Variants in WNT7B observed in about 807,000 individuals in gnomAD.
The protein encoded by WNT7B is Wnt family member 7B, also known as protein Wnt-7b.
WNT7B carries 19 observed loss-of-function variants against 38.2 expected under a neutral mutation model. That is an observed-to-expected ratio of 0.50 (90% CI 0.35 to 0.73). The LOEUF is 0.73. WNT7B is among the 30% of genes least tolerant of loss of function. The pLI, the probability that WNT7B is intolerant of heterozygous loss-of-function variation, is 0.01. For missense variants in WNT7B, 423 were observed against 507.9 expected (o/e 0.83, Z 1.61); for synonymous variants, 243 against 209.3 (o/e 1.16, Z -1.39).
intron 3 of WNT7B, among the ~76,000 whole-genome samples, chr22:45,929,086 G>A (rs1931198742): frequency 6.6e-6 from 1 of 152,172 alleles, no homozygotes; most frequent in African/African-American, 2.4e-5. Flanking sequence ...GTGTGGGAAA[G>A]GCTCTGCTCA....
rs189434391 is a variant in WNT7B at position 45,927,723 on chromosome 22, C to T, written c.570+3375G>A. On this transcript the variant is annotated intron_variant, in intron 3 of 3. Transcript: ENST00000339464. ...CCAGCCTGGGCAACATGGTGAAGCCCCATCTCTACTAACAATACAGAAATT... is the reference window on the plus strand; with the variant it reads ...CCAGCCTGGGCAACATGGTGAAGCCTCATCTCTACTAACAATACAGAAATT... The T allele has an allele frequency of 4.5e-6, 3 of 665,130 alleles. No individual in the cohort carries two copies. The East Asian group carries it at 8.3e-5, about 18-fold the overall frequency. The allele number at this position is 665,130 out of a possible 1,614,324, so 41.2% of individuals were successfully genotyped here.
intron 3 of WNT7B, chr22:45,927,062 C>T (rs1931107697): frequency 5.1e-6 from 5 of 985,336 alleles, no homozygotes; most frequent in East Asian, 1.1e-4. Context: ...CCTCAGCTGT[C>T]CGGACAACAG....
chr22:45,938,121 T>A (rs1931557104), intron 2 of WNT7B, among the ~76,000 whole-genome samples: 1 of 152,156 alleles, frequency 6.6e-6, no homozygotes, highest in Middle Eastern at 3.2e-3. Flanking sequence ...AGATACACAA[T>A]GGAGTATTAC....
At chr22:45,963,008 G>A (rs1051446334) in intron 1 of WNT7B, among the ~76,000 whole-genome samples, 2 of 152,194 alleles carry the variant, frequency 1.3e-5, no homozygotes, top group Non-Finnish European at 2.9e-5. Flanking sequence ...AGGTCTGGGG[G>A]CCGAGCCACC....
In WNT7B at chr22:45,975,958, GGAGCAGCTACCGCAGA is replaced by G. The variant is rs1011482046; in HGVS notation, c.71+710_71+725del. 6.6e-6 allele frequency: 1 copy of G among 151,994 alleles called. No homozygotes were observed. Among genetic ancestry groups the G allele is most frequent in the Non-Finnish European group, 1.5e-5 (1 of 68,610 alleles). The allele number at this position is 151,994 out of a possible 1,614,324, so 9.4% of individuals were successfully genotyped here. ...GTTCAGGAATGTGGAAATACGACTCGGAGCAGCTACCGCAGAGAGCAGCTAGCGCGGCTCGCCGGGC... is the reference window on the plus strand; with the variant it reads ...GTTCAGGAATGTGGAAATACGACTCGGAGCAGCTAGCGCGGCTCGCCGGGC... On this transcript the variant is annotated intron_variant, in intron 1 of 3. Transcript: ENST00000339464. This position sits in a 1 kb window ranked among gnomAD's most constrained non-coding sequence, Gnocchi z 6.6.
chr22:45,955,880 G>A (rs80255815), intron 1 of WNT7B, among the ~76,000 whole-genome samples: 4,739 of 152,310 alleles, frequency 0.031, 102 homozygotes, highest in Non-Finnish European at 0.048. Flanking sequence ...AGAGGCCCAG[G>A]AGCTTCCTGA....
At position 45,927,618 on chromosome 22, in the gene WNT7B, A is replaced by G. The variant is rs183700731; in HGVS notation, c.570+3480T>C. Reference sequence around the variant, plus strand: ...TCCATATAAGAGATGGAACAGGGCCAGGTGCAGTGGCTCACACCTGTAATC... The same window carrying G: ...TCCATATAAGAGATGGAACAGGGCCGGGTGCAGTGGCTCACACCTGTAATC... On this transcript the variant is annotated intron_variant, in intron 3 of 3. Transcript: ENST00000339464. 1.1e-3 allele frequency: 930 copies of G among 854,202 alleles called. 2 individuals carry two copies. The highest frequency in any genetic ancestry group is 3.6e-3 in the Admixed American group (179 of 50,170). The allele number at this position is 854,202 out of a possible 1,614,324, so 52.9% of individuals were successfully genotyped here. A position where few individuals can be genotyped will look rare whatever the true frequency, so the allele number is the denominator to read the frequency against.
At chr22:45,924,253 G>A (rs887799364) in intron 3 of WNT7B, among the ~76,000 whole-genome samples, 16 of 152,212 alleles carry the variant, frequency 1.1e-4, no homozygotes, top group African/African-American at 3.9e-4. Context: ...CAGAACTCAC[G>A]GTCATGGGGC....
chr22:45,969,508 C>G (rs1188139180), intron 1 of WNT7B, among the ~76,000 whole-genome samples: 2 of 152,232 alleles, frequency 1.3e-5, no homozygotes, highest in Non-Finnish European at 2.9e-5. Context: ...CTTACTGACC[C>G]CCGCTGGCCC....
chr22:45,955,631 T>A (rs1172606874), intron 1 of WNT7B, among the ~76,000 whole-genome samples: 1 of 152,148 alleles, frequency 6.6e-6, no homozygotes, highest in African/African-American at 2.4e-5. Context: ...GCTGACCTTT[T>A]TCATGGAAAA....
intron 1 of WNT7B, chr22:45,972,120 A>ACCCCCCCC: frequency 6.4e-6 from 1 of 155,366 alleles, no homozygotes; most frequent in Non-Finnish European, 1.2e-5. Context: ...GGGGGAGCCC[A>ACCCCCCCC]CCCGCCCACC....
intron 2 of WNT7B, among the ~76,000 whole-genome samples, chr22:45,942,309 C>T (rs922918000): frequency 6.6e-6 from 1 of 152,220 alleles, no homozygotes; most frequent in Non-Finnish European, 1.5e-5. Context: ...GGTGGGGCCC[C>T]ACAATGGCCC....
intron 2 of WNT7B, among the ~76,000 whole-genome samples, chr22:45,937,357 C>T (rs1931538468): frequency 6.6e-6 from 1 of 152,204 alleles, no homozygotes; most frequent in African/African-American, 2.4e-5. Flanking sequence ...TGAAATTGGC[C>T]AGCTGAGTGA....
intron 1 of WNT7B, among the ~76,000 whole-genome samples, chr22:45,970,879 C>T (rs1932419489): frequency 6.6e-6 from 1 of 152,250 alleles, no homozygotes; most frequent in African/African-American, 2.4e-5. Flanking sequence ...TGCTGCCCCG[C>T]CCCCCTCAGG....
intron 2 of WNT7B, among the ~76,000 whole-genome samples, chr22:45,937,574 A>T (rs59614521): frequency 0.2 from 29,959 of 152,174 alleles, 3,854 homozygotes; most frequent in African/African-American, 0.37. Flanking sequence ...TGTGCACCTC[A>T]GCACGTGTCC....
Position 45,922,828 on chromosome 22 carries a change from G to A in WNT7B, c.*28C>T. On this transcript the variant is annotated 3_prime_UTR_variant, in exon 4 of 4. Coordinates refer to ENST00000339464, the MANE Select transcript of WNT7B (RefSeq NM_058238.3). ...GTGCAAAATGCCGCCGGGTTCCAGG[G>A]TGCCCGCGGCCGCCTCCGGGCCTGG... is the stretch of plus-strand genomic sequence containing the variant. 1 of 1,571,852 alleles carries A rather than the reference G, an allele frequency of 6.4e-7. No homozygotes were observed.
chr22:45,949,945 G>C lies in WNT7B; in HGVS notation c.273C>G (p.Thr91=). The C allele has an allele frequency of 6.2e-7, 1 of 1,610,480 alleles. No individual in the cohort carries two copies. Among genetic ancestry groups the C allele is most frequent in the Non-Finnish European group, 8.5e-7 (1 of 1,177,480 alleles). ...CTACTCGGAGCTCTTGCCCGAAGACGGTCTTCTCGCCGAGGGCAGAGCAGT... is the reference window on the plus strand; with the variant it reads ...CTACTCGGAGCTCTTGCCCGAAGACCGTCTTCTCGCCGAGGGCAGAGCAGT... The part of the protein sequence containing the change: ...RWNCSALGEK[T]VFGQELRVGS... Residue 91 remains threonine, a synonymous_variant, in exon 2 of 4, where the codon ACC becomes ACG. Transcript: ENST00000339464.
At chr22:45,948,827 CTTTTTTTTTTTTTTTT>C (rs749735538) in intron 2 of WNT7B, among the ~76,000 whole-genome samples, 7 of 90,102 alleles carry the variant, frequency 7.8e-5, no homozygotes, top group African/African-American at 1.9e-4. Context: ...CCAAAGATCC[CTTTTTTTTTTTTTTTT>C]TTTTTTTTTT....
Position 45,922,710 on chromosome 22 carries a change from G to A in WNT7B, c.*146C>T, listed in dbSNP as rs371230475. On this transcript the variant is annotated 3_prime_UTR_variant, in exon 4 of 4. Transcript: ENST00000339464. ...GAGGCGGGCAGAGGGCGTGGGCCCC[G>A]GCCGGTGCCCTCCTGCACCTGGAGC... 2.1e-5 allele frequency: 28 copies of A among 1,308,064 alleles called. No individual in the cohort carries two copies. The highest frequency in any genetic ancestry group is 1.2e-4 in the South Asian group (8 of 66,842). The allele number at this position is 1,308,064 out of a possible 1,614,324, so 81.0% of individuals were successfully genotyped here.
Sources: allele counts gnomAD v4.1 joint callset (sites outside exome capture counted in the v4.1 genomes callset), GRCh38; gene constraint gnomAD v4.1.1; non-coding constraint Gnocchi (gnomAD v3.1); transcripts MANE v1.5; gene names NCBI Gene and HGNC (gene_info 2026-07-23, HGNC 2026-07-21).